The following PIGK variants were observed in gnomAD, a reference collection of about 807,000 sequenced individuals.
The protein encoded by PIGK is phosphatidylinositol glycan anchor biosynthesis class K.
Under a neutral mutation model 50.6 loss-of-function variants are expected in PIGK, and 42 were observed. The observed-to-expected ratio is 0.83, with a 90% confidence interval of 0.65 to 1.07. The LOEUF (loss-of-function observed/expected upper bound fraction) is 1.07, where lower values mean the gene tolerates loss of function less well. PIGK is among the 50% of genes least tolerant of loss of function. PIGK has a pLI of 0.00. For synonymous variants in PIGK, 151 were observed against 156.0 expected, an observed-to-expected ratio of 0.97 and a Z score of 0.24; for missense variants, 448 against 488.7, an observed-to-expected ratio of 0.92 and a Z score of 0.78.
rs1176319290 is a variant in PIGK, at chr1:77,212,472, A to C, written c.94-1983T>G. Reference sequence around the variant, plus strand: ...TAACAAGAAAATTTCAGGGAGAATAAATTTAAACTTCCACTTGTACACACA... The same window carrying C: ...TAACAAGAAAATTTCAGGGAGAATACATTTAAACTTCCACTTGTACACACA... On this transcript the variant is annotated intron_variant, in intron 1 of 10. Coordinates refer to ENST00000370812, the MANE Select transcript of PIGK (RefSeq NM_005482.3). 2.0e-5 allele frequency among the ~76,000 whole-genome samples: 3 copies of C among 152,290 alleles called. No homozygotes were observed. In the East Asian group the frequency reaches 5.8e-4, roughly 29 times the overall value.
intron 10 of PIGK, among the ~76,000 whole-genome samples, chr1:77,092,762 T>C (rs1653328852): frequency 6.6e-6 from 1 of 152,132 alleles, no homozygotes; most frequent in African/African-American, 2.4e-5. Flanking sequence ...ATACCATCTA[T>C]CCTCACTCAA....
At chr1:77,109,453 A>T (rs1279228384) in intron 10 of PIGK, among the ~76,000 whole-genome samples, 1 of 152,202 alleles carries the variant, frequency 6.6e-6, no homozygotes, top group Non-Finnish European at 1.5e-5. Context: ...GGCTGGTTCA[A>T]TGTTCGCAAA....
chr1:77,093,591 CTA>C (rs1471291003), intron 10 of PIGK, among the ~76,000 whole-genome samples: 6 of 152,044 alleles, frequency 3.9e-5, no homozygotes, highest in Non-Finnish European at 7.4e-5. Flanking sequence ...AATCATAATT[CTA>C]GAGTTTTCAG....
chr1:77,129,875 A>G (rs1654328061), intron 9 of PIGK, among the ~76,000 whole-genome samples: 1 of 152,014 alleles, frequency 6.6e-6, no homozygotes. Context: ...ATCCAAAATG[A>G]CTGTATCAAT....
intron 9 of PIGK, among the ~76,000 whole-genome samples, chr1:77,151,391 T>C (rs191684763): frequency 1.1e-3 from 168 of 152,272 alleles, no homozygotes; most frequent in African/African-American, 3.9e-3. Flanking sequence ...GCTAATATCA[T>C]ACTTAATGCG....
intron 10 of PIGK, among the ~76,000 whole-genome samples, chr1:77,118,572 T>C (rs1324230727): frequency 6.6e-6 from 1 of 152,232 alleles, no homozygotes; most frequent in Non-Finnish European, 1.5e-5. Context: ...ATCCAAAAAT[T>C]TTGCCAACAT....
At chr1:77,121,759 A>G (rs537750492) in intron 10 of PIGK, among the ~76,000 whole-genome samples, 1 of 152,332 alleles carries the variant, frequency 6.6e-6, no homozygotes, top group East Asian at 1.9e-4. Flanking sequence ...TGCCTTCTCA[A>G]TGATTACAGT....
intron 3 of PIGK, among the ~76,000 whole-genome samples, chr1:77,189,756 C>T (rs987776288): frequency 1.2e-5 from 1 of 86,020 alleles, no homozygotes; most frequent in African/African-American, 6.4e-5. Context: ...TATACACACA[C>T]ACACACACAC....
intron 9 of PIGK, 97 bp from the exon 10 acceptor site, chr1:77,122,456 C>A: frequency 1.4e-6 from 1 of 692,072 alleles, no homozygotes; most frequent in Non-Finnish European, 2.5e-6. Flanking sequence ...TAGTAAAATG[C>A]ATAGATTTTT....
intron 3 of PIGK, among the ~76,000 whole-genome samples, chr1:77,182,312 T>C (rs1046719853): frequency 1.3e-5 from 2 of 152,218 alleles, no homozygotes; most frequent in Non-Finnish European, 2.9e-5. Flanking sequence ...AGATGTAGTA[T>C]TGGAGGCTAG....
intron 3 of PIGK, among the ~76,000 whole-genome samples, chr1:77,189,725 A>G (rs1223948087): frequency 2.5e-5 from 2 of 81,262 alleles, no homozygotes; most frequent in East Asian, 1.1e-3. Context: ...ATATATATAT[A>G]TATATATATA....
At chr1:77,101,645 T>A (rs1436578470) in intron 10 of PIGK, among the ~76,000 whole-genome samples, 2 of 152,162 alleles carry the variant, frequency 1.3e-5, no homozygotes, top group Non-Finnish European at 2.9e-5. Flanking sequence ...TAAGGAAAAA[T>A]TAAGAATTAT....
chr1:77,195,930 C>T (rs1244897207), intron 3 of PIGK, among the ~76,000 whole-genome samples: 2 of 151,886 alleles, frequency 1.3e-5, no homozygotes, highest in Non-Finnish European at 2.9e-5. Context: ...ATCCTGCTAC[C>T]CAGGTACTAA....
intron 3 of PIGK, among the ~76,000 whole-genome samples, chr1:77,175,343 C>A (rs956642722): frequency 4.5e-4 from 68 of 151,996 alleles, no homozygotes; most frequent in Non-Finnish European, 7.1e-4. Flanking sequence ...AATTCTTGTC[C>A]TGAAGTAAAA....
At chr1:77,161,542 A>G in intron 7 of PIGK, 52 bp downstream of exon 7, 2 of 981,652 alleles carry the variant, frequency 2.0e-6, no homozygotes. Context: ...TGGTTTCAGA[A>G]ATAGCTGCAC....
chr1:77,103,808 G>A (rs1422840462), intron 10 of PIGK, among the ~76,000 whole-genome samples: 1 of 152,050 alleles, frequency 6.6e-6, no homozygotes, highest in Non-Finnish European at 1.5e-5. Context: ...ATCTACCTGC[G>A]TTTTTGGCAG....
At chr1:77,140,510 A>G (rs1654625805) in intron 9 of PIGK, among the ~76,000 whole-genome samples, 2 of 152,108 alleles carry the variant, frequency 1.3e-5, no homozygotes, top group Admixed American at 1.3e-4. Context: ...CCAATTACCC[A>G]GTCTCAGGTA....
chr1:77,177,903 C>A (rs962765493), intron 3 of PIGK, among the ~76,000 whole-genome samples: 2 of 152,096 alleles, frequency 1.3e-5, no homozygotes, highest in Non-Finnish European at 2.9e-5. Context: ...CCATTTGGAC[C>A]CTTAAGGTAA....
intron 3 of PIGK, among the ~76,000 whole-genome samples, chr1:77,187,437 C>G (rs1018135493): frequency 3.3e-5 from 5 of 152,174 alleles, no homozygotes; most frequent in Non-Finnish European, 5.9e-5. Flanking sequence ...TTACCTCCAG[C>G]AGGAGGAACA....
Sources: gnomAD v4.1 joint callset for allele counts (sites outside exome capture counted in the v4.1 genomes callset) on GRCh38, gnomAD v4.1.1 for gene constraint, MANE v1.5 for transcripts, NCBI Gene and HGNC (gene_info 2026-07-23, HGNC 2026-07-21) for gene names.